SEMA3C: variants seen among roughly 807,000 people sequenced by gnomAD.
The protein encoded by SEMA3C is semaphorin 3C.
A neutral mutation model predicts 89.4 loss-of-function variants in SEMA3C; 47 were observed. That is an observed-to-expected ratio of 0.53 (90% CI 0.42 to 0.67). The LOEUF is 0.67. Ranked by LOEUF, SEMA3C falls within the 30% of genes least tolerant of loss-of-function variation. The probability of loss-of-function intolerance (pLI) is 0.00; values close to 1 mark genes in which losing one functional copy is unlikely to be tolerated. For missense variants in SEMA3C, 839 were observed against 929.1 expected (o/e 0.90, Z 1.26); for synonymous variants, 310 against 320.2 (o/e 0.97, Z 0.34).
intron 10 of SEMA3C, among the ~76,000 whole-genome samples, chr7:80,799,869 T>C (rs1252207649): frequency 3.2e-5 from 3 of 95,174 alleles, no homozygotes; most frequent in Non-Finnish European, 4.4e-5. Flanking sequence ...AAAAAAAAAA[T>C]GGCCGGGCGC....
upstream of SEMA3C, chr7:80,919,099 T>C: frequency 1.0e-6 from 1 of 985,066 alleles, no homozygotes; most frequent in South Asian, 4.7e-5. Context: ...TGGTGTCCGA[T>C]TACAGCGCCG....
intron 12 of SEMA3C, among the ~76,000 whole-genome samples, chr7:80,775,767 G>C (rs189067524): frequency 6.6e-6 from 1 of 152,064 alleles, no homozygotes; most frequent in Admixed American, 6.6e-5. Context: ...CCAAGGTTCT[G>C]CAAGTCATTT....
At chr7:80,799,141 T>C (rs879218059) in intron 10 of SEMA3C, among the ~76,000 whole-genome samples, 1 of 152,206 alleles carries the variant, frequency 6.6e-6, no homozygotes, top group Admixed American at 6.5e-5. Context: ...TCAAGACTAC[T>C]TAGAACAGGA....
chr7:80,847,075 A>G (rs1790407464), intron 2 of SEMA3C, among the ~76,000 whole-genome samples: 1 of 152,200 alleles, frequency 6.6e-6, no homozygotes, highest in Non-Finnish European at 1.5e-5. Flanking sequence ...TATTTATTTC[A>G]GGAAACTTCA....
chr7:80,814,388 C>T (rs1789550277), intron 5 of SEMA3C, among the ~76,000 whole-genome samples: 1 of 152,050 alleles, frequency 6.6e-6, no homozygotes, highest in Admixed American at 6.6e-5. Context: ...GCGCCCAGCC[C>T]TGCCTGTTCT....
intron 2 of SEMA3C, among the ~76,000 whole-genome samples, chr7:80,909,393 G>A (rs1466753862): frequency 1.3e-5 from 2 of 151,950 alleles, no homozygotes; most frequent in East Asian, 3.9e-4. Context: ...TTACAAATAA[G>A]GTTAAATATA....
At chr7:80,849,066 G>T (rs975220437) in intron 2 of SEMA3C, among the ~76,000 whole-genome samples, 3 of 152,002 alleles carry the variant, frequency 2.0e-5, no homozygotes, top group African/African-American at 7.2e-5. Context: ...TTTTAATCCA[G>T]CTTTTGAATG....
intron 12 of SEMA3C, among the ~76,000 whole-genome samples, chr7:80,780,239 C>T (rs1788661474): frequency 6.6e-6 from 1 of 152,156 alleles, no homozygotes; most frequent in South Asian, 2.1e-4. Context: ...ATTGTCTCCT[C>T]CATTGGGTCA....
intron 9 of SEMA3C, among the ~76,000 whole-genome samples, chr7:80,801,478 T>C (rs535939977): frequency 6.6e-6 from 1 of 152,126 alleles, no homozygotes; most frequent in East Asian, 1.9e-4. Context: ...AATAACAGAA[T>C]ATGAAAGTAG....
chr7:80,807,408 C>A (rs1789367760), intron 6 of SEMA3C, among the ~76,000 whole-genome samples: 2 of 152,180 alleles, frequency 1.3e-5, no homozygotes, highest in Admixed American at 6.5e-5. Flanking sequence ...ATCTAATTGG[C>A]TTCATTTCCT....
upstream of SEMA3C, among the ~76,000 whole-genome samples, chr7:80,920,706 G>T (rs975338977): frequency 4.6e-5 from 7 of 152,154 alleles, no homozygotes; most frequent in Non-Finnish European, 1.0e-4. Context: ...TATTTTTTGT[G>T]ATGATGCGTG....
intron 2 of SEMA3C, among the ~76,000 whole-genome samples, chr7:80,907,466 G>A (rs1433204498): frequency 1.3e-5 from 2 of 152,024 alleles, no homozygotes; most frequent in Admixed American, 6.6e-5. Context: ...GAGCATTACT[G>A]TTCAGGAGAA....
chr7:80,818,222 G>C, intron 5 of SEMA3C, 77 bp downstream of exon 5: 1 of 1,367,454 alleles, frequency 7.3e-7, no homozygotes, highest in Non-Finnish European at 1.0e-6. Context: ...ATATGTCCAA[G>C]TTTTTACTCT....
chr7:80,827,036 C>T (rs866886100), intron 4 of SEMA3C, among the ~76,000 whole-genome samples: 1 of 152,116 alleles, frequency 6.6e-6, no homozygotes, highest in Admixed American at 6.6e-5. Context: ...AACCACTACC[C>T]TTTTGCCAAG....
chr7:80,744,570 T>C lies in SEMA3C; in HGVS notation c.*324A>G, dbSNP rs1787754858. On this transcript the variant is annotated 3_prime_UTR_variant, in exon 18 of 18. Coordinates refer to ENST00000265361, the MANE Select transcript of SEMA3C (RefSeq NM_006379.5). ...GCAGGAAAGGAATACCACAGGGATATGGCCCTCATTCAATTGAGGGATGCA... is the reference window on the plus strand; with the variant it reads ...GCAGGAAAGGAATACCACAGGGATACGGCCCTCATTCAATTGAGGGATGCA... 2 of 340,022 alleles carry C rather than the reference T, an allele frequency of 5.9e-6. No homozygotes were observed. The highest frequency in any genetic ancestry group is 9.5e-5 in the Admixed American group (2 of 21,042). The allele number at this position is 340,022 out of a possible 1,614,324, so 21.1% of individuals were successfully genotyped here. A position where few individuals can be genotyped will look rare whatever the true frequency, so the allele number is the denominator to read the frequency against.
At chr7:80,890,995 G>C (rs559867219) in intron 2 of SEMA3C, among the ~76,000 whole-genome samples, 1 of 152,086 alleles carries the variant, frequency 6.6e-6, no homozygotes, top group Admixed American at 6.6e-5. Context: ...CCAGGGCCTA[G>C]CACAATTAAA....
intron 2 of SEMA3C, among the ~76,000 whole-genome samples, chr7:80,876,167 C>A (rs1031767149): frequency 6.6e-6 from 1 of 152,094 alleles, no homozygotes; most frequent in African/African-American, 2.4e-5. Context: ...AAAGGGACTA[C>A]TGTATTAATA....
At chr7:80,920,664 C>CA (rs1562987306), upstream of SEMA3C, among the ~76,000 whole-genome samples, 2 of 152,072 alleles carry the variant, frequency 1.3e-5, no homozygotes, top group South Asian at 4.1e-4. Flanking sequence ...CTCCAAACGT[C>CA]AAAAAATTAA....
intron 4 of SEMA3C, among the ~76,000 whole-genome samples, chr7:80,824,281 A>G (rs184090517): frequency 6.6e-6 from 1 of 152,242 alleles, no homozygotes; most frequent in East Asian, 1.9e-4. Context: ...CTTCTAAAAT[A>G]TATATATAAT....
Sources: allele counts gnomAD v4.1 joint callset (sites outside exome capture counted in the v4.1 genomes callset), GRCh38; gene constraint gnomAD v4.1.1; transcripts MANE v1.5; gene names NCBI Gene and HGNC (gene_info 2026-07-23, HGNC 2026-07-21).